The following PEX5 variants were observed in gnomAD, a reference collection of about 807,000 sequenced individuals.
PEX5 encodes peroxisomal biogenesis factor 5, also known as PTS1 receptor.
In PEX5, 52 loss-of-function variants were observed where a neutral mutation model predicts 82.9. That is an observed-to-expected ratio of 0.63 (90% CI 0.50 to 0.79). The LOEUF (loss-of-function observed/expected upper bound fraction) is 0.79, where lower values mean the gene tolerates loss of function less well. Ranked by LOEUF, PEX5 falls within the 30% of genes least tolerant of loss-of-function variation. The pLI, the probability that PEX5 is intolerant of heterozygous loss-of-function variation, is 0.00. For missense variants in PEX5, 719 were observed against 815.2 expected, an observed-to-expected ratio of 0.88 and a Z score of 1.44; for synonymous variants, 300 against 318.8, an observed-to-expected ratio of 0.94 and a Z score of 0.63.
chr12:7,205,623 G>A (rs749633638), intron 10 of PEX5, among the ~76,000 whole-genome samples: 1 of 152,352 alleles, frequency 6.6e-6, no homozygotes, highest in South Asian at 2.1e-4. Context: ...TTTTCAGGAT[G>A]TAACAGTGAA....
intron 10 of PEX5, among the ~76,000 whole-genome samples, chr12:7,205,321 G>A (rs1219092728): frequency 6.6e-6 from 1 of 152,184 alleles, no homozygotes; most frequent in East Asian, 1.9e-4. Context: ...CTGGCTTTAA[G>A]CTAATATTGA....
intron 13 of PEX5, 57 bp downstream of exon 13, chr12:7,208,726 G>C: frequency 6.9e-7 from 1 of 1,447,586 alleles, no homozygotes; most frequent in Non-Finnish European, 9.7e-7. Flanking sequence ...CCCAGTAGGA[G>C]GGTGACCTTG....
rs1042194917 is a variant in PEX5 at position 7,189,694 on chromosome 12, C to T, written c.-73C>T. The T allele has an allele frequency of 1.6e-5, 6 of 370,924 alleles. No homozygotes were observed. The highest frequency in any genetic ancestry group is 2.8e-5 in the Non-Finnish European group (6 of 210,748). The allele number at this position is 370,924 out of a possible 1,614,324, so 23.0% of individuals were successfully genotyped here. ...CCCTGGCTCCCCGCCCCCTCTTCTC[C>T]CCTCCCCCAAGCCAGCACCTGGTGC... On this transcript the variant is annotated 5_prime_UTR_variant, in exon 1 of 16. Transcript: ENST00000675855.
rs371233272 is a variant in PEX5, at chr12:7,210,178, G to A, written c.1875G>A (p.Ala625=). 6.7e-5 allele frequency: 108 copies of A among 1,614,102 alleles called. No individual in the cohort carries two copies. Among genetic ancestry groups the A allele is most frequent in the African/African-American group, 9.3e-5 (7 of 74,938 alleles). ...GQSDAYGAAD[A]RDLSTLLTMF... is the part of the protein sequence containing the mutation. ...GCGATGCCTATGGGGCAGCCGACGC[G>A]CGGGATCTGTCCACCCTCCTAACTA... Residue 625 remains alanine, a synonymous_variant, in exon 16 of 16, where the codon GCG becomes GCA. Coordinates refer to ENST00000675855, the MANE Select transcript of PEX5 (RefSeq NM_001351132.2).
chr12:7,196,999 ATAATTATATATGTCACATATAATG>A lies in PEX5; in HGVS notation c.449-1924_449-1901del, dbSNP rs1351247004. ...AATTATATATGTCACATATAATGTA[ATAATTATATATGTCACATATAATG>A]TAATTATATATGTCACATATAATGT... On this transcript the variant is annotated intron_variant, in intron 5 of 15. Transcript: ENST00000675855. Among the ~76,000 whole-genome samples the A allele has an allele frequency of 1.7e-3, 26 of 15,352 alleles. 3 individuals are homozygous for A. The highest frequency in any genetic ancestry group is 0.011 in the East Asian group (13 of 1,142). The allele number at this position is 15,352 out of a possible 152,430, so 10.1% of individuals were successfully genotyped here.
chr12:7,210,390 C>T lies in PEX5; in HGVS notation c.*167C>T. 1.5e-6 allele frequency: 1 copy of T among 679,580 alleles called. No homozygotes were observed. The highest frequency in any genetic ancestry group is 1.6e-5 in the South Asian group (1 of 62,562). The allele number at this position is 679,580 out of a possible 1,614,324, so 42.1% of individuals were successfully genotyped here. A position where few individuals can be genotyped will look rare whatever the true frequency, so the allele number is the denominator to read the frequency against. On this transcript the variant is annotated 3_prime_UTR_variant, in exon 16 of 16. Transcript: ENST00000675855. ...GGGTGGGTAGTCTGTGTTCTAGTTC[C>T]TACATAATTGTAGGAAAATGAGCTG...
chr12:7,214,747 TAAAA>T (rs1004731521), downstream of PEX5, among the ~76,000 whole-genome samples: 1 of 151,994 alleles, frequency 6.6e-6, no homozygotes, highest in African/African-American at 2.4e-5. Context: ...ATTATTCTCT[TAAAA>T]AATTGTGAAT....
chr12:7,197,393 T>TATGTCATATACAATGTA (rs1565688643), intron 5 of PEX5, among the ~76,000 whole-genome samples: 45 of 58,842 alleles, frequency 7.6e-4, no homozygotes, highest in African/African-American at 3.0e-3. Context: ...ATGTAATAAT[T>TATGTCATATACAATGTA]ATATATATGT....
In PEX5 at chr12:7,209,185, G is replaced by A. The variant is rs1241581953; in HGVS notation, c.1560+15G>A. 2 of 1,612,896 alleles carry A rather than the reference G, an allele frequency of 1.2e-6. No homozygotes were observed. The highest frequency in any genetic ancestry group is 4.5e-5 in the East Asian group (2 of 44,852). On this transcript the variant is annotated intron_variant, in intron 14 of 15. Transcript: ENST00000675855. Reference sequence around the variant, plus strand: ...TTCGTCCCAATGTGAGCCCAGGGGAGGAATGGAAATGGGACATGACTGTGT... The same window carrying A: ...TTCGTCCCAATGTGAGCCCAGGGGAAGAATGGAAATGGGACATGACTGTGT...
At chr12:7,217,257 T>C (rs1945805759) in intron 17 of PEX5, among the ~76,000 whole-genome samples, 1 of 152,260 alleles carries the variant, frequency 6.6e-6, no homozygotes, top group Non-Finnish European at 1.5e-5. Flanking sequence ...ATTTACCTTT[T>C]CTTGGGAAGT....
In PEX5 at chr12:7,191,291, G is replaced by C. The variant is rs1565672198; in HGVS notation, c.249G>C (p.Lys83Asn). The change falls in exon 4 of 16, where the codon AAG becomes AAC. Residue 83 changes from lysine to asparagine, a missense_variant. Lys to Asn is a moderately conservative substitution (Grantham distance 94). Transcript: ENST00000675855. Reference sequence around the variant, plus strand: ...TGTCCCGTGCCCCTCAGACCTTCAAGATGGATGACCTCCTGGCTGAGATGC... The same window carrying C: ...TGTCCCGTGCCCCTCAGACCTTCAACATGGATGACCTCCTGGCTGAGATGC... ...PLVSRAPQTFKMDDLLAEMQQ... is the reference protein window; with the variant it reads ...PLVSRAPQTFNMDDLLAEMQQ... The C allele has an allele frequency of 3.7e-6, 6 of 1,614,050 alleles. No individual in the cohort carries two copies. Among genetic ancestry groups the C allele is most frequent in the Non-Finnish European group, 5.1e-6 (6 of 1,180,042 alleles).
intron 5 of PEX5, among the ~76,000 whole-genome samples, chr12:7,197,395 T>TATGTCATATACAATGTA (rs1942866412): frequency 4.1e-5 from 2 of 48,792 alleles, no homozygotes; most frequent in Admixed American, 2.1e-4. Flanking sequence ...GTAATAATTA[T>TATGTCATATACAATGTA]ATATATGTCA....
Position 7,208,674 on chromosome 12 carries a change from G to A in PEX5, c.1394+5G>A, listed in dbSNP as rs944558430. ...CCTGGGATCTCTCTTGTCTGAGTGA[G>A]TATGAGGGGTTCCTAGGATGAGGAA... On this transcript the variant is annotated splice_donor_5th_base_variant and intron_variant, in intron 13 of 15. Coordinates refer to ENST00000675855, the MANE Select transcript of PEX5 (RefSeq NM_001351132.2). The A allele has an allele frequency of 6.2e-7, 1 of 1,606,650 alleles. No individual in the cohort carries two copies. Among genetic ancestry groups the A allele is most frequent in the Non-Finnish European group, 8.5e-7 (1 of 1,173,404 alleles).
chr12:7,208,317 A>T (rs1171659684), intron 12 of PEX5, 140 bp from the exon 13 acceptor site: 1 of 755,732 alleles, frequency 1.3e-6, no homozygotes, highest in Non-Finnish European at 2.3e-6. Context: ...CTGTAACTTT[A>T]TTATTAACTC....
At chr12:7,200,379 G>A (rs1436053987) in intron 6 of PEX5, among the ~76,000 whole-genome samples, 11 of 150,534 alleles carry the variant, frequency 7.3e-5, no homozygotes, top group South Asian at 2.1e-4. Flanking sequence ...GATGGCGGCC[G>A]GGCAGAGACG....
chr12:7,207,600 A>T, intron 10 of PEX5, 59 bp from the exon 11 acceptor site: 3 of 1,579,142 alleles, frequency 1.9e-6, no homozygotes, highest in Non-Finnish European at 2.6e-6. Flanking sequence ...TCATCCTCAC[A>T]TCCCTGCTGT....
At position 7,211,352 on chromosome 12, in the gene PEX5, T is replaced by TC. The variant is rs952031221; in HGVS notation, c.*1129_*1130insC. The stretch of plus-strand genomic sequence containing the variant: ...AGTAGCTAATGATCAGAGAGATTTT[T>TC]TTTTTAAACTACCATGGTCCCAGGA... On this transcript the variant is annotated 3_prime_UTR_variant, in exon 16 of 16. Coordinates refer to ENST00000675855, the MANE Select transcript of PEX5 (RefSeq NM_001351132.2). The TC allele has an allele frequency of 6.6e-6, 1 of 152,170 alleles. No homozygotes were observed. Among genetic ancestry groups the TC allele is most frequent in the Non-Finnish European group, 1.5e-5 (1 of 68,018 alleles). The allele number at this position is 152,170 out of a possible 1,614,324, so 9.4% of individuals were successfully genotyped here. A position where few individuals can be genotyped will look rare whatever the true frequency, so the allele number is the denominator to read the frequency against.
In PEX5 at chr12:7,202,228, C is replaced by T; in HGVS notation, c.643-13C>T. The T allele has an allele frequency of 1.2e-6, 2 of 1,614,018 alleles. No homozygotes were observed. The highest frequency in any genetic ancestry group is 1.7e-6 in the Non-Finnish European group (2 of 1,180,012). Reference sequence around the variant, plus strand: ...CCTTTCCCAAGTGGCCTGTGTGTGTCTCTGTGCCCCAGTTCCTGAAATTCG... The same window carrying T: ...CCTTTCCCAAGTGGCCTGTGTGTGTTTCTGTGCCCCAGTTCCTGAAATTCG... On this transcript the variant is annotated splice_polypyrimidine_tract_variant and intron_variant, in intron 7 of 15. Coordinates refer to ENST00000675855, the MANE Select transcript of PEX5 (RefSeq NM_001351132.2).
chr12:7,213,018 A>G (rs1945667595), downstream of PEX5: 1 of 152,158 alleles, frequency 6.6e-6, no homozygotes, highest in Non-Finnish European at 1.5e-5. Context: ...CCAACTTACA[A>G]GGGATGTGAA....
Sources: gnomAD v4.1 joint callset for allele counts (sites outside exome capture counted in the v4.1 genomes callset) on GRCh38, gnomAD v4.1.1 for gene constraint, MANE v1.5 for transcripts, NCBI Gene and HGNC (gene_info 2026-07-23, HGNC 2026-07-21) for gene names.